The following ASIC2 variants were observed in gnomAD, a reference collection of about 807,000 sequenced individuals.
ASIC2 encodes acid-sensing ion channel 2.
ASIC2 carries 25 observed loss-of-function variants against 57.3 expected under a neutral mutation model. The observed-to-expected ratio is 0.44, with a 90% CI of 0.32 to 0.61. The LOEUF (loss-of-function observed/expected upper bound fraction) is 0.61, where lower values mean the gene tolerates loss of function less well. ASIC2 is among the 20% of genes least tolerant of loss of function. The pLI is 0.06. For missense variants in ASIC2, 641 were observed against 738.1 expected (o/e 0.87, Z 1.52); for synonymous variants, 319 against 307.5 (o/e 1.04, Z -0.39).
At chr17:33,855,184 C>T (rs1470827104) in intron 1 of ASIC2, among the ~76,000 whole-genome samples, 2 of 152,128 alleles carry the variant, frequency 1.3e-5, no homozygotes, top group Non-Finnish European at 2.9e-5. Flanking sequence ...GTGAGCTGCT[C>T]CTGCAAAAGT....
chr17:33,297,823 A>AAAATAAAT (rs200008797), upstream of ASIC2, among the ~76,000 whole-genome samples: 5,976 of 141,512 alleles, frequency 0.042, 168 homozygotes, highest in South Asian at 0.098. Context: ...ACCCTGTCTC[A>AAAATAAAT]AAATAAATAA....
intron 1 of ASIC2, among the ~76,000 whole-genome samples, chr17:33,934,158 C>T (rs1039252906): frequency 2.0e-5 from 3 of 152,146 alleles, no homozygotes; most frequent in Admixed American, 6.5e-5. Context: ...TCCCAGGAAG[C>T]ACATTCTCGG....
intron 3 of ASIC2, among the ~76,000 whole-genome samples, chr17:33,049,788 C>T (rs1009540079): frequency 5.3e-5 from 8 of 152,108 alleles, no homozygotes; most frequent in African/African-American, 7.2e-5. Flanking sequence ...AAGCATCTAC[C>T]GCAGCATTTT....
At chr17:33,172,490 C>T (rs1212568791) in intron 1 of ASIC2, among the ~76,000 whole-genome samples, 2 of 152,142 alleles carry the variant, frequency 1.3e-5, no homozygotes, top group Non-Finnish European at 1.5e-5. Flanking sequence ...GGGTGCAGGC[C>T]TTAGCCCCAC....
chr17:33,555,516 GA>G, intron 1 of ASIC2, among the ~76,000 whole-genome samples: 1 of 152,252 alleles, frequency 6.6e-6, no homozygotes, highest in East Asian at 1.9e-4. Context: ...ATGAAAAGTG[GA>G]AAAATAAGAG....
intron 1 of ASIC2, among the ~76,000 whole-genome samples, chr17:33,402,667 T>C (rs1910325004): frequency 6.6e-6 from 1 of 152,254 alleles, no homozygotes; most frequent in African/African-American, 2.4e-5. Flanking sequence ...TGTACCACAT[T>C]GTCTTTATCT....
chr17:33,561,361 A>G (rs111564110), intron 1 of ASIC2, among the ~76,000 whole-genome samples: 53 of 152,336 alleles, frequency 3.5e-4, no homozygotes, highest in Non-Finnish European at 5.4e-4. Flanking sequence ...TTGATCTAAC[A>G]TAGAACTGAT....
rs376982368 is a variant in ASIC2 at position 34,099,174 on chromosome 17, A to G, written c.555+56804T>C. Among the ~76,000 whole-genome samples the G allele has an allele frequency of 3.4e-3, 43 of 12,692 alleles. 1 individual carries two copies. Among genetic ancestry groups the G allele is most frequent in the East Asian group, 0.019 (9 of 482 alleles). 8.3% of individuals were successfully genotyped at this position (12,692 alleles called of 152,430 possible). A position where few individuals can be genotyped will look rare whatever the true frequency, so the allele number is the denominator to read the frequency against. ...AGAGAGAGAGAGAGAGAAAGAAAGA[A>G]AGAAAGAAAGAAAGAAAGAAAGAAA... On this transcript the variant is annotated intron_variant, in intron 1 of 9. Transcript: ENST00000359872.
intron 2 of ASIC2, among the ~76,000 whole-genome samples, chr17:33,104,117 TA>T (rs1255126139): frequency 6.6e-6 from 1 of 152,218 alleles, no homozygotes; most frequent in Non-Finnish European, 1.5e-5. Context: ...CCATCTACTT[TA>T]CATCTTCCAA....
chr17:34,043,947 G>A (rs1908231070), intron 1 of ASIC2, among the ~76,000 whole-genome samples: 1 of 152,136 alleles, frequency 6.6e-6, no homozygotes. Context: ...CTAATTCCCT[G>A]ATGGAGAGGC....
intron 1 of ASIC2, among the ~76,000 whole-genome samples, chr17:33,543,960 G>T (rs2141971281): frequency 6.6e-6 from 1 of 152,286 alleles, no homozygotes; most frequent in East Asian, 1.9e-4. Context: ...AGTTGCATAA[G>T]CACCATACAG....
chr17:33,273,823 A>G (rs59006532), intron 1 of ASIC2, among the ~76,000 whole-genome samples: 57,304 of 151,252 alleles, frequency 0.38, 10,920 homozygotes, highest in Admixed American at 0.43. Context: ...GGGGCCGGAG[A>G]GGGGCAGGAA....
intron 1 of ASIC2, among the ~76,000 whole-genome samples, chr17:33,722,538 G>A (rs1240627651): frequency 6.6e-6 from 1 of 152,086 alleles, no homozygotes. Flanking sequence ...AGGTCAAGGT[G>A]GGAGGACTGC....
At chr17:33,674,692 T>C (rs950095576) in intron 1 of ASIC2, among the ~76,000 whole-genome samples, 5 of 152,214 alleles carry the variant, frequency 3.3e-5, no homozygotes, top group Admixed American at 6.5e-5. Context: ...AATTTTTTAA[T>C]GGGTGAATAA....
intron 1 of ASIC2, among the ~76,000 whole-genome samples, chr17:33,909,452 T>A (rs551822295): frequency 1.1e-4 from 16 of 152,252 alleles, no homozygotes; most frequent in Middle Eastern, 3.4e-3. Context: ...GGTGTTTTAA[T>A]AAGAGAGAAA....
chr17:33,451,417 C>T (rs1009550795), intron 1 of ASIC2, among the ~76,000 whole-genome samples: 3 of 152,080 alleles, frequency 2.0e-5, no homozygotes, highest in African/African-American at 7.2e-5. Context: ...TGCCTTAACA[C>T]GCCAAAAGTT....
chr17:33,353,931 G>A (rs1307476331), intron 1 of ASIC2, among the ~76,000 whole-genome samples: 2 of 152,160 alleles, frequency 1.3e-5, no homozygotes, highest in Admixed American at 1.3e-4. Flanking sequence ...ACCTAAGACT[G>A]GGTAATTTAT....
intron 1 of ASIC2, among the ~76,000 whole-genome samples, chr17:33,130,734 C>T (rs962003024): frequency 2.6e-5 from 4 of 152,204 alleles, no homozygotes; most frequent in Non-Finnish European, 5.9e-5. Flanking sequence ...CCTGGATTCT[C>T]CAGAGCCATG....
intron 1 of ASIC2, among the ~76,000 whole-genome samples, chr17:34,142,406 T>G (rs968979452): frequency 3.3e-5 from 5 of 152,136 alleles, no homozygotes; most frequent in African/African-American, 9.7e-5. Context: ...AAAAAGTTTG[T>G]GCGTAGGTGG....
Sources: gnomAD v4.1 joint callset for allele counts (sites outside exome capture counted in the v4.1 genomes callset) on GRCh38, gnomAD v4.1.1 for gene constraint, MANE v1.5 for transcripts, NCBI Gene and HGNC (gene_info 2026-07-23, HGNC 2026-07-21) for gene names.